The following CNTN5 variants were observed in gnomAD, a reference collection of about 807,000 sequenced individuals.
The protein encoded by CNTN5 is contactin 5, also known as contactin-5.
A neutral mutation model predicts 129.1 loss-of-function variants in CNTN5; 77 were observed. The ratio of observed to expected loss-of-function variants is 0.60; its 90% confidence interval spans 0.50 to 0.72. The LOEUF (loss-of-function observed/expected upper bound fraction) is 0.72, where lower values mean the gene tolerates loss of function less well. CNTN5 is among the 30% of genes least tolerant of loss of function. The probability of loss-of-function intolerance (pLI) is 0.00; values close to 1 mark genes in which losing one functional copy is unlikely to be tolerated. For missense variants in CNTN5, 1,478 were observed against 1,328.8 expected (o/e 1.11, Z -1.75); for synonymous variants, 509 against 465.6 (o/e 1.09, Z -1.20).
chr11:99,258,163 A>G (rs1328374808), intron 1 of CNTN5, among the ~76,000 whole-genome samples: 1 of 151,866 alleles, frequency 6.6e-6, no homozygotes, highest in Non-Finnish European at 1.5e-5. Context: ...TTTAACTCCT[A>G]TTTTTGGTTT....
intron 3 of CNTN5, among the ~76,000 whole-genome samples, chr11:99,744,272 A>C (rs576876166): frequency 6.6e-6 from 1 of 152,172 alleles, no homozygotes; most frequent in African/African-American, 2.4e-5. Context: ...ACTGCTCTTC[A>C]AAAGAAAGTT....
intron 6 of CNTN5, among the ~76,000 whole-genome samples, chr11:99,902,051 A>G (rs2135952969): frequency 6.6e-6 from 1 of 152,304 alleles, no homozygotes; most frequent in Admixed American, 6.5e-5. Context: ...CTGATTCTAG[A>G]GGTCAAGCTT....
intron 3 of CNTN5, among the ~76,000 whole-genome samples, chr11:99,692,311 TTATG>T (rs1050016337): frequency 2.0e-5 from 3 of 152,192 alleles, no homozygotes; most frequent in African/African-American, 7.2e-5. Context: ...ACAGACTTGT[TTATG>T]TAGTTGCTTC....
intron 23 of CNTN5, among the ~76,000 whole-genome samples, chr11:100,349,225 G>C (rs1443984864): frequency 6.6e-6 from 1 of 151,892 alleles, no homozygotes; most frequent in Non-Finnish European, 1.5e-5. Flanking sequence ...TCAATATGTG[G>C]AAATATTGCT....
intron 2 of CNTN5, among the ~76,000 whole-genome samples, chr11:99,555,064 TA>T (rs137870491): frequency 0.078 from 11,797 of 152,004 alleles, 924 homozygotes; most frequent in East Asian, 0.33. Context: ...AAATTATAAA[TA>T]AAAATGGAAG....
intron 3 of CNTN5, among the ~76,000 whole-genome samples, chr11:99,748,837 A>C (rs775249252): frequency 6.6e-6 from 1 of 152,114 alleles, no homozygotes; most frequent in Non-Finnish European, 1.5e-5. Flanking sequence ...TTCTTTACTC[A>C]CTCTACTGAT....
chr11:99,753,192 G>A (rs371951402), intron 3 of CNTN5, among the ~76,000 whole-genome samples: 2 of 134,066 alleles, frequency 1.5e-5, no homozygotes, highest in East Asian at 4.9e-4. Flanking sequence ...GCGAGATCTC[G>A]ACTCACTGCA....
chr11:99,583,474 C>T (rs1591315998), intron 3 of CNTN5, among the ~76,000 whole-genome samples: 1 of 152,216 alleles, frequency 6.6e-6, no homozygotes, highest in African/African-American at 2.4e-5. Flanking sequence ...GGGCTCCACC[C>T]AGTTTGAGCT....
chr11:100,343,900 A>G (rs569387573), intron 23 of CNTN5, among the ~76,000 whole-genome samples: 1 of 152,210 alleles, frequency 6.6e-6, no homozygotes, highest in East Asian at 1.9e-4. Flanking sequence ...ACTTACAAAA[A>G]TTAATAAAAT....
At chr11:99,769,107 A>ACATTAC (rs1204434879) in intron 3 of CNTN5, among the ~76,000 whole-genome samples, 4 of 152,118 alleles carry the variant, frequency 2.6e-5, no homozygotes, top group African/African-American at 9.7e-5. Flanking sequence ...GTGAAATTAT[A>ACATTAC]CATTACTTGC....
At chr11:100,261,470 A>T (rs776502733) in intron 17 of CNTN5, among the ~76,000 whole-genome samples, 3 of 152,222 alleles carry the variant, frequency 2.0e-5, no homozygotes, top group Admixed American at 6.5e-5. Context: ...GTGGAACCAA[A>T]AAAGAGCCCG....
intron 3 of CNTN5, among the ~76,000 whole-genome samples, chr11:99,747,336 A>C (rs1319523822): frequency 6.6e-6 from 1 of 152,182 alleles, no homozygotes; most frequent in African/African-American, 2.4e-5. Flanking sequence ...TTTTCTAAAA[A>C]TAAGATAAAG....
chr11:99,641,300 C>T (rs535938568), intron 3 of CNTN5, among the ~76,000 whole-genome samples: 29 of 152,228 alleles, frequency 1.9e-4, no homozygotes, highest in East Asian at 3.9e-4. Flanking sequence ...CCAAGAACTA[C>T]CTGAACAGTG....
At chr11:99,840,272 TA>T (rs1292987641) in intron 4 of CNTN5, among the ~76,000 whole-genome samples, 1 of 152,076 alleles carries the variant, frequency 6.6e-6, no homozygotes, top group African/African-American at 2.4e-5. Flanking sequence ...ACATACATCT[TA>T]ACTATGCAAA....
At chr11:100,196,292 A>G (rs897469177) in intron 15 of CNTN5, among the ~76,000 whole-genome samples, 2 of 151,232 alleles carry the variant, frequency 1.3e-5, no homozygotes, top group African/African-American at 2.4e-5. Context: ...ACTTAAACTA[A>G]CTAAACCTCT....
intron 3 of CNTN5, among the ~76,000 whole-genome samples, chr11:99,656,453 C>G (rs144577278): frequency 2.2e-3 from 339 of 152,108 alleles, no homozygotes; most frequent in African/African-American, 7.4e-3. Context: ...AAGCGCCAGG[C>G]GTAAGAGGAA....
chr11:99,493,139 G>A (rs1946099297), intron 2 of CNTN5, among the ~76,000 whole-genome samples: 1 of 152,134 alleles, frequency 6.6e-6, no homozygotes, highest in South Asian at 2.1e-4. Context: ...CGCTTTGTTT[G>A]TATTTTTAAC....
At position 99,463,144 on chromosome 11, in the gene CNTN5, T is replaced by TAAATAAATAAATAAAA. The variant is rs1351510432; in HGVS notation, c.-70-92998_-70-92997insTAAATAAATAAAAAAA. ...ATAAATAAATAAATAAATAAATAAATAAAAGTAAAAAAGTCCAGGCGCGGT... is the reference window on the plus strand; with the variant it reads ...ATAAATAAATAAATAAATAAATAAATAAATAAATAAATAAAAAAAAGTAAAAAAGTCCAGGCGCGGT... On this transcript the variant is annotated intron_variant, in intron 2 of 24. Coordinates refer to ENST00000524871, the MANE Select transcript of CNTN5 (RefSeq NM_014361.4). 5.4e-5 allele frequency among the ~76,000 whole-genome samples: 8 copies of TAAATAAATAAATAAAA among 147,950 alleles called. No individual in the cohort carries two copies. In the East Asian group the frequency reaches 1.0e-3, roughly 18 times the overall value.
intron 1 of CNTN5, among the ~76,000 whole-genome samples, chr11:99,190,557 TC>T (rs1272066222): frequency 6.6e-6 from 1 of 151,598 alleles, no homozygotes; most frequent in East Asian, 1.9e-4. Context: ...TTTATTTGTT[TC>T]TTCTTCTATT....
Sources: allele counts gnomAD v4.1 joint callset (sites outside exome capture counted in the v4.1 genomes callset), GRCh38; gene constraint gnomAD v4.1.1; transcripts MANE v1.5; gene names NCBI Gene and HGNC (gene_info 2026-07-23, HGNC 2026-07-21).